PKNOX2: variants seen among roughly 807,000 people sequenced by gnomAD.
PKNOX2 encodes the protein homeobox protein PKNOX2.
PKNOX2 carries 14 observed loss-of-function variants against 53.1 expected under a neutral mutation model. The observed-to-expected ratio is 0.26, with a 90% CI of 0.17 to 0.41. The LOEUF (loss-of-function observed/expected upper bound fraction) is 0.41. Among genes scored for constraint, PKNOX2 ranks in the 10% least tolerant of loss-of-function variants. The pLI is 1.00. For synonymous variants in PKNOX2, 257 were observed against 242.8 expected (o/e 1.06, Z -0.54); for missense variants, 496 against 602.8 (o/e 0.82, Z 1.85).
At chr11:125,277,858 A>G (rs1053225582) in intron 2 of PKNOX2, among the ~76,000 whole-genome samples, 1 of 152,214 alleles carries the variant, frequency 6.6e-6, no homozygotes, top group Non-Finnish European at 1.5e-5. Flanking sequence ...CACATTGTGT[A>G]TAGATATCAA....
At chr11:125,218,172 G>A (rs571831496) in intron 1 of PKNOX2, among the ~76,000 whole-genome samples, 1 of 152,102 alleles carries the variant, frequency 6.6e-6, no homozygotes, top group South Asian at 2.1e-4. Context: ...GCATCTGTGG[G>A]AACAAACAGG....
chr11:125,301,730 C>T (rs1320218159), intron 2 of PKNOX2, among the ~76,000 whole-genome samples: 1 of 152,040 alleles, frequency 6.6e-6, no homozygotes, highest in Non-Finnish European at 1.5e-5. Context: ...GTGGACTCAG[C>T]TTGGGCACAA....
intron 5 of PKNOX2, among the ~76,000 whole-genome samples, chr11:125,377,564 T>C (rs1327098911): frequency 6.6e-6 from 1 of 152,230 alleles, no homozygotes; most frequent in African/African-American, 2.4e-5. Context: ...CACGGGCTGC[T>C]GAAGGACAGT....
rs901509936 is a variant in PKNOX2 at position 125,432,498 on chromosome 11, C to G, written c.*1106C>G. ...GGGTTGGAGAAGGTGCTACATCCCT[C>G]TTCCCATCAATATCCTAAATGTGGG... is the stretch of plus-strand genomic sequence containing the variant. On this transcript the variant is annotated 3_prime_UTR_variant, in exon 13 of 13. Coordinates refer to ENST00000298282, the MANE Select transcript of PKNOX2 (RefSeq NM_001382323.2). 1 of 152,722 alleles carries G rather than the reference C, an allele frequency of 6.5e-6. No individual in the cohort carries two copies. Among genetic ancestry groups the G allele is most frequent in the African/African-American group, 2.4e-5 (1 of 41,460 alleles). The allele number at this position is 152,722 out of a possible 1,614,324, so 9.5% of individuals were successfully genotyped here.
intron 2 of PKNOX2, among the ~76,000 whole-genome samples, chr11:125,238,744 T>A (rs887740236): frequency 6.6e-6 from 1 of 152,172 alleles, no homozygotes; most frequent in Non-Finnish European, 1.5e-5. Context: ...TCCCCTTTTG[T>A]GAAACTTAGG....
At chr11:125,363,151 G>C (rs1397160209) in intron 4 of PKNOX2, among the ~76,000 whole-genome samples, 3 of 152,126 alleles carry the variant, frequency 2.0e-5, no homozygotes, top group Admixed American at 2.0e-4. Flanking sequence ...GAGAGGACAT[G>C]GGAAGCGCAG....
At chr11:125,406,136 G>T (rs962267608) in intron 7 of PKNOX2, among the ~76,000 whole-genome samples, 2 of 152,202 alleles carry the variant, frequency 1.3e-5, no homozygotes, top group African/African-American at 2.4e-5. Flanking sequence ...GCCCTGAGGG[G>T]AAGCTGTCAA....
chr11:125,211,083 C>A (rs113864531), intron 1 of PKNOX2, among the ~76,000 whole-genome samples: 2,740 of 152,228 alleles, frequency 0.018, 84 homozygotes, highest in African/African-American at 0.062. Flanking sequence ...AGACAGTGAA[C>A]GTCAGTTCCC....
intron 2 of PKNOX2, among the ~76,000 whole-genome samples, chr11:125,258,109 G>T (rs1385020856): frequency 1.4e-4 from 21 of 152,124 alleles, no homozygotes; most frequent in Admixed American, 1.4e-3. Flanking sequence ...GGCAGAACCA[G>T]TGCAGCTGGT....
At chr11:125,258,955 C>G in intron 2 of PKNOX2, 1 of 280,796 alleles carries the variant, frequency 3.6e-6, no homozygotes, top group South Asian at 2.9e-5. Flanking sequence ...AACCCTAGTT[C>G]ATCATGGTCT....
At chr11:125,213,479 C>T (rs1227832402) in intron 1 of PKNOX2, among the ~76,000 whole-genome samples, 1 of 152,118 alleles carries the variant, frequency 6.6e-6, no homozygotes, top group Non-Finnish European at 1.5e-5. Context: ...TTATTTGAGA[C>T]AGGATCTCTC....
intron 1 of PKNOX2, among the ~76,000 whole-genome samples, chr11:125,195,897 A>ACACACACG (rs1429814864): frequency 6.9e-6 from 1 of 144,550 alleles, no homozygotes; most frequent in Admixed American, 6.7e-5. Context: ...ACACACACAC[A>ACACACACG]CACACACACA....
intron 3 of PKNOX2, among the ~76,000 whole-genome samples, chr11:125,340,094 A>G (rs1195793952): frequency 6.6e-6 from 1 of 152,236 alleles, no homozygotes; most frequent in South Asian, 2.1e-4. Context: ...AAATGCAATG[A>G]AATATTTAAC....
intron 1 of PKNOX2, among the ~76,000 whole-genome samples, chr11:125,171,243 A>G (rs1480231715): frequency 6.6e-6 from 1 of 152,202 alleles, no homozygotes; most frequent in African/African-American, 2.4e-5. Flanking sequence ...GCATTCACCC[A>G]TTCCCTTTGT....
At chr11:125,254,112 C>T (rs1944217936) in intron 2 of PKNOX2, among the ~76,000 whole-genome samples, 1 of 152,160 alleles carries the variant, frequency 6.6e-6, no homozygotes, top group South Asian at 2.1e-4. Context: ...ACCACTTGTG[C>T]CATTAGACAA....
intron 2 of PKNOX2, among the ~76,000 whole-genome samples, chr11:125,280,056 A>T (rs1452759442): frequency 6.6e-6 from 1 of 150,806 alleles, no homozygotes; most frequent in Non-Finnish European, 1.5e-5. Context: ...GAGCTGGAAG[A>T]TACCCACAGA....
intron 2 of PKNOX2, among the ~76,000 whole-genome samples, chr11:125,298,692 T>C (rs980911261): frequency 3.3e-5 from 5 of 152,206 alleles, no homozygotes; most frequent in African/African-American, 1.2e-4. Context: ...AATGAATTGA[T>C]GGATGGATGG....
intron 10 of PKNOX2, among the ~76,000 whole-genome samples, chr11:125,418,484 GA>G (rs1029089993): frequency 7.9e-5 from 12 of 152,002 alleles, no homozygotes; most frequent in African/African-American, 2.9e-4. Context: ...CCCAGCCTGA[GA>G]ACCTCACATG....
intron 5 of PKNOX2, among the ~76,000 whole-genome samples, chr11:125,375,148 G>A (rs569529217): frequency 3.0e-4 from 46 of 152,244 alleles, no homozygotes; most frequent in Non-Finnish European, 5.1e-4. Flanking sequence ...CTCTATCATC[G>A]GGCAAATCTT....
Sources: gnomAD v4.1 joint callset for allele counts (sites outside exome capture counted in the v4.1 genomes callset) on GRCh38, gnomAD v4.1.1 for gene constraint, MANE v1.5 for transcripts, NCBI Gene and HGNC (gene_info 2026-07-23, HGNC 2026-07-21) for gene names.